SLCO5A1: variants seen among roughly 807,000 people sequenced by gnomAD.
SLCO5A1 encodes the protein solute carrier organic anion transporter family member 5A1, also known as organic anion transporter polypeptide-related protein 4.
In SLCO5A1, 39 loss-of-function variants were observed where a neutral mutation model predicts 65.1. The ratio of observed to expected loss-of-function variants is 0.60; its 90% CI spans 0.46 to 0.78. The LOEUF is 0.78. SLCO5A1 is among the 30% of genes least tolerant of loss of function. SLCO5A1 has a pLI of 0.00. For synonymous variants in SLCO5A1, 438 were observed against 415.7 expected (o/e 1.05, Z -0.65); for missense variants, 1,029 against 1,069.4 (o/e 0.96, Z 0.53).
At chr8:69,698,265 AT>A (rs1279823667) in intron 6 of SLCO5A1, among the ~76,000 whole-genome samples, 1 of 152,146 alleles carries the variant, frequency 6.6e-6, no homozygotes, top group Non-Finnish European at 1.5e-5. Flanking sequence ...ATTGATGGCC[AT>A]TTAGATTGAT....
chr8:69,720,359 G>A (rs550915383), intron 5 of SLCO5A1, among the ~76,000 whole-genome samples: 2 of 152,282 alleles, frequency 1.3e-5, no homozygotes, highest in African/African-American at 2.4e-5. Flanking sequence ...GTTCACCAAC[G>A]ACCCCAGATA....
At chr8:69,793,581 C>A (rs1586806699) in intron 2 of SLCO5A1, among the ~76,000 whole-genome samples, 1 of 152,064 alleles carries the variant, frequency 6.6e-6, no homozygotes, top group South Asian at 2.1e-4. Flanking sequence ...GAGTTTGAGA[C>A]CAGCCTGGCC....
chr8:69,825,029 C>T (rs1229495533), intron 2 of SLCO5A1, among the ~76,000 whole-genome samples: 1 of 152,136 alleles, frequency 6.6e-6, no homozygotes, highest in African/African-American at 2.4e-5. Flanking sequence ...ACAAAAACCA[C>T]ATGATTATCT....
intron 7 of SLCO5A1, 69 bp downstream of exon 7, chr8:69,682,115 A>G (rs1398382095): frequency 1.0e-5 from 15 of 1,499,766 alleles, no homozygotes; most frequent in Non-Finnish European, 1.4e-5. Context: ...GTAGCTGCAT[A>G]GGAATTTCAT....
At chr8:69,738,518 T>C (rs183682457) in intron 4 of SLCO5A1, among the ~76,000 whole-genome samples, 2 of 152,286 alleles carry the variant, frequency 1.3e-5, no homozygotes, top group Admixed American at 1.3e-4. Context: ...ATTATTTGCA[T>C]TTCTTCAGTA....
chr8:69,787,260 G>T (rs1819072309), intron 2 of SLCO5A1, among the ~76,000 whole-genome samples: 1 of 152,228 alleles, frequency 6.6e-6, no homozygotes, highest in Non-Finnish European at 1.5e-5. Context: ...ATTGACAAAT[G>T]ATTTTCCCGC....
chr8:69,748,944 A>T (rs1817158046), intron 4 of SLCO5A1, among the ~76,000 whole-genome samples: 1 of 152,178 alleles, frequency 6.6e-6, no homozygotes, highest in Non-Finnish European at 1.5e-5. Flanking sequence ...TATAAAGGGC[A>T]CTGAGCAACC....
intron 1 of SLCO5A1, chr8:69,833,962 G>C (rs1210314506): frequency 6.6e-6 from 1 of 152,438 alleles, no homozygotes; most frequent in African/African-American, 2.4e-5. Context: ...ATCCCGGCAC[G>C]CTGTCAGAGA....
At chr8:69,734,042 C>T (rs1285094796) in intron 5 of SLCO5A1, among the ~76,000 whole-genome samples, 1 of 152,172 alleles carries the variant, frequency 6.6e-6, no homozygotes, top group Non-Finnish European at 1.5e-5. Flanking sequence ...AGTAGAAACA[C>T]ACTATACCAG....
At chr8:69,810,096 C>G (rs1820153847) in intron 2 of SLCO5A1, among the ~76,000 whole-genome samples, 1 of 152,106 alleles carries the variant, frequency 6.6e-6, no homozygotes, top group South Asian at 2.1e-4. Flanking sequence ...CATGCCAGGA[C>G]AAAAAGGTTC....
intron 2 of SLCO5A1, among the ~76,000 whole-genome samples, chr8:69,770,791 T>C (rs1454211043): frequency 6.6e-6 from 1 of 152,162 alleles, no homozygotes; most frequent in Non-Finnish European, 1.5e-5. Context: ...TGCCCCAAGC[T>C]CCTGGACCTT....
intron 2 of SLCO5A1, among the ~76,000 whole-genome samples, chr8:69,783,921 AT>A (rs1818906806): frequency 2.0e-5 from 3 of 152,280 alleles, no homozygotes; most frequent in Admixed American, 6.5e-5. Context: ...GGATGTGGCA[AT>A]GTAAGTTCAT....
intron 4 of SLCO5A1, among the ~76,000 whole-genome samples, chr8:69,739,080 G>T (rs963866479): frequency 1.3e-5 from 2 of 152,184 alleles, no homozygotes; most frequent in African/African-American, 2.4e-5. Context: ...AGAGCTGTAT[G>T]TACTGGCATA....
chr8:69,813,534 G>C (rs190198046), intron 2 of SLCO5A1, among the ~76,000 whole-genome samples: 104 of 152,310 alleles, frequency 6.8e-4, no homozygotes, highest in African/African-American at 2.5e-3. Context: ...AGTAGACTCT[G>C]AATTTACCAT....
At chr8:69,771,603 G>A (rs552308953) in intron 2 of SLCO5A1, among the ~76,000 whole-genome samples, 7 of 151,874 alleles carry the variant, frequency 4.6e-5, no homozygotes, top group Admixed American at 1.3e-4. Flanking sequence ...CTCTTATGTG[G>A]TGCATATTTT....
rs1166251549 is a variant in SLCO5A1, at chr8:69,672,844, A to G, written c.*25T>C. ...TCGCCATTTTCAATTCAACCAACAA[A>G]ACTAAATTCTTCCATTTTCAAGCTT... On this transcript the variant is annotated 3_prime_UTR_variant, in exon 10 of 10. Coordinates refer to ENST00000260126, the MANE Select transcript of SLCO5A1 (RefSeq NM_030958.3). The G allele has an allele frequency of 1.9e-6, 3 of 1,576,246 alleles. No homozygotes were observed. The highest frequency in any genetic ancestry group is 2.3e-5 in the South Asian group (2 of 86,858).
intron 5 of SLCO5A1, among the ~76,000 whole-genome samples, chr8:69,719,383 C>G (rs1023837282): frequency 6.6e-6 from 1 of 152,204 alleles, no homozygotes; most frequent in African/African-American, 2.4e-5. Flanking sequence ...TGGAGAACAT[C>G]AACCCTACTG....
At chr8:69,789,711 A>G (rs1320911738) in intron 2 of SLCO5A1, among the ~76,000 whole-genome samples, 1 of 152,210 alleles carries the variant, frequency 6.6e-6, no homozygotes, top group East Asian at 1.9e-4. Context: ...AAAATTAACT[A>G]TCTGAGATGA....
rs549822460 is a variant in SLCO5A1 at position 69,678,512 on chromosome 8, A to G, written c.2024+866T>C. ...GATGAATGCACACTTACACGTAGAC[A>G]GATAGCTTAGAATGTATATAAGCTC... On this transcript the variant is annotated intron_variant, in intron 8 of 9. Transcript: ENST00000260126. Among the ~76,000 whole-genome samples the G allele has an allele frequency of 2.0e-5, 3 of 152,352 alleles. No individual in the cohort carries two copies. The South Asian group carries it at 6.2e-4, about 32-fold the overall frequency.
Sources: allele counts gnomAD v4.1 joint callset (sites outside exome capture counted in the v4.1 genomes callset), GRCh38; gene constraint gnomAD v4.1.1; transcripts MANE v1.5; gene names NCBI Gene and HGNC (gene_info 2026-07-23, HGNC 2026-07-21).